NFATC2: variants seen among roughly 807,000 people sequenced by gnomAD.
NFATC2 encodes nuclear factor of activated T-cells, cytoplasmic 2.
Under a neutral mutation model 87.3 loss-of-function variants are expected in NFATC2, and 22 were observed. The observed-to-expected ratio is 0.25, with a 90% CI of 0.18 to 0.36. NFATC2 has a LOEUF of 0.36. NFATC2 is among the 10% of genes least tolerant of loss of function. The probability of loss-of-function intolerance (pLI) is 1.00; values close to 1 mark genes in which losing one functional copy is unlikely to be tolerated. For missense variants in NFATC2, 1,149 were observed against 1,259.1 expected (o/e 0.91, Z 1.32); for synonymous variants, 565 against 542.2 (o/e 1.04, Z -0.58).
chr20:51,518,980 T>C (rs1055691810), intron 2 of NFATC2, among the ~76,000 whole-genome samples: 4 of 152,088 alleles, frequency 2.6e-5, no homozygotes, highest in African/African-American at 9.7e-5. Flanking sequence ...TTAAACATTT[T>C]GTGGCGGGGC....
intron 1 of NFATC2, among the ~76,000 whole-genome samples, chr20:51,561,813 C>A (rs2077035815): frequency 1.3e-5 from 2 of 152,034 alleles, no homozygotes; most frequent in Non-Finnish European, 1.5e-5. Flanking sequence ...AGCCAAAGCC[C>A]CTCCGCAATC....
intron 5 of NFATC2, among the ~76,000 whole-genome samples, chr20:51,463,649 C>T (rs1368335421): frequency 6.6e-6 from 1 of 152,210 alleles, no homozygotes; most frequent in East Asian, 1.9e-4. Context: ...CCAGCTCTGC[C>T]CCTGCCTTGC....
At chr20:51,422,460 G>A (rs1467739352) in intron 9 of NFATC2, among the ~76,000 whole-genome samples, 1 of 151,966 alleles carries the variant, frequency 6.6e-6, no homozygotes, top group African/African-American at 2.4e-5. Flanking sequence ...CTATTCACAG[G>A]CACAACTTGA....
chr20:51,438,226 A>T (rs1983845525), intron 6 of NFATC2, among the ~76,000 whole-genome samples: 1 of 152,200 alleles, frequency 6.6e-6, no homozygotes, highest in African/African-American at 2.4e-5. Flanking sequence ...GTGACTGTAC[A>T]GGCCAACCTA....
chr20:51,464,219 C>T (rs994716046), intron 5 of NFATC2, among the ~76,000 whole-genome samples: 2 of 152,206 alleles, frequency 1.3e-5, no homozygotes, highest in East Asian at 1.9e-4. Context: ...CAATGAGATC[C>T]GTCCACACTG....
Position 51,428,495 on chromosome 20 carries a change from C to T in NFATC2, c.2722+3572G>A, listed in dbSNP as rs190018427. On this transcript the variant is annotated intron_variant, in intron 9 of 10. Transcript: ENST00000371564. Reference sequence around the variant, plus strand: ...AGCGCCTTGGTGTTCCAAGAACAAACGGGGCCAAGCCAGCCGGCGTCTGTG... The same window carrying T: ...AGCGCCTTGGTGTTCCAAGAACAAATGGGGCCAAGCCAGCCGGCGTCTGTG... 2.7e-3 allele frequency among the ~76,000 whole-genome samples: 411 copies of T among 152,280 alleles called. 2 individuals are homozygous for T. Among genetic ancestry groups the T allele is most frequent in the Non-Finnish European group, 4.5e-3 (308 of 68,018 alleles).
intron 3 of NFATC2, among the ~76,000 whole-genome samples, chr20:51,487,637 G>A (rs1989826260): frequency 6.6e-6 from 1 of 152,188 alleles, no homozygotes; most frequent in South Asian, 2.1e-4. Flanking sequence ...CCCCAAGATG[G>A]TGAAGAGGCA....
intron 9 of NFATC2, among the ~76,000 whole-genome samples, chr20:51,422,401 G>C (rs916156037): frequency 6.6e-6 from 1 of 152,132 alleles, no homozygotes; most frequent in South Asian, 2.1e-4. Context: ...TTCATCTAGA[G>C]AAAGATTCTT....
At chr20:51,554,311 T>C (rs2076959547) in intron 1 of NFATC2, among the ~76,000 whole-genome samples, 1 of 152,220 alleles carries the variant, frequency 6.6e-6, no homozygotes. Flanking sequence ...CAAACAGGCA[T>C]GTCTCATAGA....
At chr20:51,464,113 A>G (rs1335988616) in intron 5 of NFATC2, among the ~76,000 whole-genome samples, 1 of 152,150 alleles carries the variant, frequency 6.6e-6, no homozygotes, top group African/African-American at 2.4e-5. Flanking sequence ...ACACCGGCCT[A>G]CTGCTGCCTG....
intron 3 of NFATC2, among the ~76,000 whole-genome samples, chr20:51,486,925 C>T (rs1216526227): frequency 6.6e-6 from 1 of 152,112 alleles, no homozygotes; most frequent in African/African-American, 2.4e-5. Context: ...AGCAGACTAA[C>T]TTGGGCTGGA....
chr20:51,513,496 T>C (rs1374780268), intron 3 of NFATC2, among the ~76,000 whole-genome samples: 3 of 151,926 alleles, frequency 2.0e-5, no homozygotes, highest in Non-Finnish European at 4.4e-5. Flanking sequence ...AGCAAACAAA[T>C]AAACAAACAA....
At chr20:51,492,236 G>A (rs1227157273) in intron 3 of NFATC2, among the ~76,000 whole-genome samples, 1 of 151,838 alleles carries the variant, frequency 6.6e-6, no homozygotes, top group African/African-American at 2.4e-5. Flanking sequence ...GCCTCAGAGT[G>A]AATGGATTCA....
intron 10 of NFATC2, 110 bp downstream of exon 10, chr20:51,398,533 A>G (rs965059041): frequency 5.5e-5 from 36 of 656,102 alleles, no homozygotes; most frequent in Non-Finnish European, 7.7e-5. Flanking sequence ...ATGAGAAGAG[A>G]GGGCCTTCAG....
At chr20:51,475,422 C>A (rs1012621361) in intron 4 of NFATC2, 36 bp downstream of exon 4, 3 of 1,609,988 alleles carry the variant, frequency 1.9e-6, no homozygotes, top group Admixed American at 1.7e-5. Context: ...CTCGCTTCTC[C>A]ATGAAGACCC....
chr20:51,542,760 G>GGA (rs1555819163), upstream of NFATC2: 2 of 202,190 alleles, frequency 9.9e-6, no homozygotes, highest in South Asian at 3.1e-4. Context: ...GGGGGGGGGG[G>GGA]GGGCGTGGAG....
chr20:51,509,024 C>A lies in NFATC2; in HGVS notation c.1332+7760G>T, dbSNP rs148594520. ...ATGTGCGAGGCCCACGATCCGCCCCCCTATCCTTCCCCTTCCCCTGCCCTT... is the reference window on the plus strand; with the variant it reads ...ATGTGCGAGGCCCACGATCCGCCCCACTATCCTTCCCCTTCCCCTGCCCTT... On this transcript the variant is annotated intron_variant, in intron 3 of 10. Coordinates refer to ENST00000371564, the MANE Select transcript of NFATC2 (RefSeq NM_012340.5). 6.6e-3 allele frequency among the ~76,000 whole-genome samples: 1,009 copies of A among 152,196 alleles called. 7 individuals are homozygous for A. The highest frequency in any genetic ancestry group is 0.023 in the African/African-American group (963 of 41,528).
chr20:51,551,568 A>ATTT (rs528455167), intron 1 of NFATC2, among the ~76,000 whole-genome samples: 5 of 103,730 alleles, frequency 4.8e-5, no homozygotes, highest in East Asian at 2.7e-4. Flanking sequence ...ATGCCCTGCT[A>ATTT]TTTTTTTTTT....
chr20:51,483,431 G>A lies in NFATC2; in HGVS notation c.1333-7771C>T, dbSNP rs576762830. 2.6e-4 allele frequency among the ~76,000 whole-genome samples: 39 copies of A among 152,136 alleles called. 1 individual carries two copies. The highest frequency in any genetic ancestry group is 2.6e-3 in the Admixed American group (39 of 15,278). On this transcript the variant is annotated intron_variant, in intron 3 of 10. Transcript: ENST00000371564. Reference sequence around the variant, plus strand: ...CTCTGAAAGAAAGAAAAAGCCCAGGGTGGGGGAGAAGGCCGAGCGGGAGGG... The same window carrying A: ...CTCTGAAAGAAAGAAAAAGCCCAGGATGGGGGAGAAGGCCGAGCGGGAGGG...
Sources: allele counts gnomAD v4.1 joint callset (sites outside exome capture counted in the v4.1 genomes callset), GRCh38; gene constraint gnomAD v4.1.1; transcripts MANE v1.5; gene names NCBI Gene and HGNC (gene_info 2026-07-23, HGNC 2026-07-21).